Variants in SLC4A10 observed in about 807,000 individuals in gnomAD.
The protein encoded by SLC4A10 is sodium-driven chloride bicarbonate exchanger.
In SLC4A10, 42 loss-of-function variants were observed where a neutral mutation model predicts 137.7. The ratio of observed to expected loss-of-function variants is 0.30; its 90% CI spans 0.24 to 0.39. The LOEUF (loss-of-function observed/expected upper bound fraction) is 0.39. Ranked by LOEUF, SLC4A10 falls within the 10% of genes least tolerant of loss-of-function variation. The probability of loss-of-function intolerance (pLI) is 1.00; values close to 1 mark genes in which losing one functional copy is unlikely to be tolerated. For missense variants in SLC4A10, 925 were observed against 1,355.0 expected, an observed-to-expected ratio of 0.68 and a Z score of 4.98; for synonymous variants, 474 against 464.1, an observed-to-expected ratio of 1.02 and a Z score of -0.27.
chr2:161,898,609 G>A (rs2063759638), intron 11 of SLC4A10, among the ~76,000 whole-genome samples: 1 of 151,940 alleles, frequency 6.6e-6, no homozygotes, highest in African/African-American at 2.4e-5. Context: ...TTTCAGTTAA[G>A]AGAAGAATAA....
intron 1 of SLC4A10, among the ~76,000 whole-genome samples, chr2:161,703,440 A>G (rs937786002): frequency 1.3e-5 from 2 of 151,704 alleles, no homozygotes; most frequent in Non-Finnish European, 3.0e-5. Context: ...GGTGTATATT[A>G]TTTAAAATAC....
At chr2:161,695,436 T>C (rs1386454864) in intron 1 of SLC4A10, among the ~76,000 whole-genome samples, 1 of 152,176 alleles carries the variant, frequency 6.6e-6, no homozygotes, top group Non-Finnish European at 1.5e-5. Flanking sequence ...TGTTGCATTT[T>C]CATCCTTCAG....
intron 1 of SLC4A10, among the ~76,000 whole-genome samples, chr2:161,751,344 G>T (rs2048945732): frequency 7.8e-6 from 1 of 128,146 alleles, no homozygotes; most frequent in Non-Finnish European, 1.7e-5. Flanking sequence ...TGTCTTTGTT[G>T]CATTTTGCTT....
intron 1 of SLC4A10, among the ~76,000 whole-genome samples, chr2:161,699,054 C>G (rs1242506489): frequency 6.6e-6 from 1 of 152,092 alleles, no homozygotes; most frequent in Non-Finnish European, 1.5e-5. Context: ...GAGTCTCGCT[C>G]TGTCGCCCAG....
intron 1 of SLC4A10, among the ~76,000 whole-genome samples, chr2:161,641,603 T>C (rs1329178157): frequency 6.6e-6 from 1 of 152,236 alleles, no homozygotes; most frequent in South Asian, 2.1e-4. Context: ...GTGAATATAG[T>C]AGTACTTTCT....
chr2:161,772,458 A>T (rs914302456), intron 2 of SLC4A10, among the ~76,000 whole-genome samples: 1 of 151,828 alleles, frequency 6.6e-6, no homozygotes, highest in African/African-American at 2.4e-5. Context: ...AAAATACTTA[A>T]TAAAAAATAG....
At chr2:161,904,931 GC>G in intron 14 of SLC4A10, 22 bp downstream of exon 14, 1 of 1,611,682 alleles carries the variant, frequency 6.2e-7, no homozygotes, top group Non-Finnish European at 8.5e-7. Context: ...GTACTTTTTG[GC>G]CCTTAGCCTC....
intron 1 of SLC4A10, among the ~76,000 whole-genome samples, chr2:161,701,012 T>C (rs2043068553): frequency 1.3e-5 from 2 of 152,110 alleles, no homozygotes; most frequent in South Asian, 4.1e-4. Flanking sequence ...AATGACTCTA[T>C]GACACGCAGT....
intron 3 of SLC4A10, among the ~76,000 whole-genome samples, chr2:161,811,282 A>C (rs2056526793): frequency 1.3e-5 from 2 of 151,822 alleles, no homozygotes; most frequent in Admixed American, 1.3e-4. Context: ...CTAGTAGTCT[A>C]TCAATCTTAT....
intron 1 of SLC4A10, among the ~76,000 whole-genome samples, chr2:161,677,493 T>A (rs1182577148): frequency 6.6e-6 from 1 of 152,174 alleles, no homozygotes; most frequent in Non-Finnish European, 1.5e-5. Context: ...AGATATCTTA[T>A]TCTTGAGATA....
chr2:161,668,012 A>G (rs2039272812), intron 1 of SLC4A10, among the ~76,000 whole-genome samples: 2 of 151,828 alleles, frequency 1.3e-5, no homozygotes, highest in Admixed American at 1.3e-4. Context: ...GTAGTTTCAG[A>G]AAAAGTATTA....
intron 1 of SLC4A10, among the ~76,000 whole-genome samples, chr2:161,756,367 T>A (rs917131848): frequency 6.6e-6 from 1 of 152,168 alleles, no homozygotes; most frequent in Non-Finnish European, 1.5e-5. Context: ...AATTAGAAAG[T>A]ATGATTTTTG....
At chr2:161,939,262 A>G (rs1302597438) in intron 15 of SLC4A10, among the ~76,000 whole-genome samples, 2 of 151,930 alleles carry the variant, frequency 1.3e-5, no homozygotes, top group African/African-American at 4.8e-5. Flanking sequence ...TTTTTAGTAG[A>G]GATGGGGTTT....
At chr2:161,789,326 G>A (rs1054043641) in intron 2 of SLC4A10, among the ~76,000 whole-genome samples, 3 of 152,042 alleles carry the variant, frequency 2.0e-5, no homozygotes. Context: ...CTTTACATGG[G>A]ACTCTGAGTT....
intron 1 of SLC4A10, among the ~76,000 whole-genome samples, chr2:161,736,728 G>A (rs553745749): frequency 6.6e-6 from 1 of 152,232 alleles, no homozygotes; most frequent in South Asian, 2.1e-4. Flanking sequence ...TAAAATTCAA[G>A]ATGAGATTTG....
At chr2:161,936,392 G>T (rs1691593897) in intron 15 of SLC4A10, among the ~76,000 whole-genome samples, 1 of 152,082 alleles carries the variant, frequency 6.6e-6, no homozygotes, top group South Asian at 2.1e-4. Flanking sequence ...GATGATTTCA[G>T]CACTGAAGCC....
intron 2 of SLC4A10, among the ~76,000 whole-genome samples, chr2:161,790,196 C>T (rs1020039543): frequency 2.0e-5 from 3 of 152,084 alleles, no homozygotes; most frequent in African/African-American, 7.2e-5. Flanking sequence ...AATAGTTTTA[C>T]AAATGTTTTA....
At chr2:161,692,433 G>A (rs2042092824) in intron 1 of SLC4A10, among the ~76,000 whole-genome samples, 1 of 152,036 alleles carries the variant, frequency 6.6e-6, no homozygotes, top group African/African-American at 2.4e-5. Context: ...TTGTTATGGT[G>A]AGTTGCACCT....
intron 15 of SLC4A10, among the ~76,000 whole-genome samples, chr2:161,933,225 TTCTTTCTTTC>T (rs1690869313): frequency 6.9e-6 from 1 of 145,588 alleles, no homozygotes; most frequent in Non-Finnish European, 1.5e-5. Context: ...CTTTCTTTCT[TTCTTTCTTTC>T]TTTCTTTCTT....
Sources: allele counts gnomAD v4.1 joint callset (sites outside exome capture counted in the v4.1 genomes callset), GRCh38; gene constraint gnomAD v4.1.1; transcripts MANE v1.5; gene names NCBI Gene and HGNC (gene_info 2026-07-23, HGNC 2026-07-21).